EHMT1: variants seen among roughly 807,000 people sequenced by gnomAD.
The protein encoded by EHMT1 is euchromatic histone lysine methyltransferase 1.
In EHMT1, 15 loss-of-function variants were observed where a neutral mutation model predicts 147.2. The observed-to-expected ratio is 0.10, with a 90% confidence interval of 0.07 to 0.16. The LOEUF (loss-of-function observed/expected upper bound fraction) is 0.16, where lower values mean the gene tolerates loss of function less well. EHMT1 is among the 10% of genes least tolerant of loss of function. The pLI, the probability that EHMT1 is intolerant of heterozygous loss-of-function variation, is 1.00. For missense variants in EHMT1, 1,587 were observed against 1,772.4 expected, an observed-to-expected ratio of 0.90 and a Z score of 1.88; for synonymous variants, 795 against 709.6, an observed-to-expected ratio of 1.12 and a Z score of -1.91.
At chr9:137,784,339 C>A (rs1021815616) in intron 15 of EHMT1, 3 of 1,294,732 alleles carry the variant, frequency 2.3e-6, no homozygotes, top group Non-Finnish European at 2.9e-6. Context: ...AAGGCCCAGC[C>A]TCAAAACCTC....
At chr9:137,678,942 T>G (rs1476605025) in intron 1 of EHMT1, among the ~76,000 whole-genome samples, 1 of 152,064 alleles carries the variant, frequency 6.6e-6, no homozygotes, top group East Asian at 1.9e-4. Context: ...ATTTGTTTAT[T>G]TATCTTATTT....
rs771464978 is a variant in EHMT1 at position 137,743,496 on chromosome 9, A to G, written c.949A>G (p.Lys317Glu). ...ACAGAGGACGGTGATTGAGATGTTTAAGAGCATAACTCATTCCACTGTGGG... is the reference window on the plus strand; with the variant it reads ...ACAGAGGACGGTGATTGAGATGTTTGAGAGCATAACTCATTCCACTGTGGG... ...LKQRTVIEMFKSITHSTVGSK... is the reference protein window; with the variant it reads ...LKQRTVIEMFESITHSTVGSK... Residue 317 changes from lysine (K) to glutamate (E), a missense_variant, in exon 5 of 27, where the codon AAG (lysine) becomes GAG (glutamate). Transcript: ENST00000460843. 1.2e-6 allele frequency: 2 copies of G among 1,614,184 alleles called. No homozygotes were observed. Among genetic ancestry groups the G allele is most frequent in the Non-Finnish European group, 1.7e-6 (2 of 1,180,026 alleles).
chr9:137,821,397 A>G (rs1404692104), intron 25 of EHMT1, among the ~76,000 whole-genome samples: 3 of 142,630 alleles, frequency 2.1e-5, no homozygotes, highest in African/African-American at 8.0e-5. Flanking sequence ...GCATAATCAT[A>G]GCTCACTGCA....
At chr9:137,639,673 C>A (rs780239329) in intron 1 of EHMT1, among the ~76,000 whole-genome samples, 2 of 152,114 alleles carry the variant, frequency 1.3e-5, no homozygotes, top group Non-Finnish European at 2.9e-5. Context: ...TTTTTCTGGC[C>A]TTTTAATCTC....
chr9:137,717,173 C>T lies in EHMT1; in HGVS notation c.633C>T (p.Val211=), dbSNP rs751159756. The T allele has an allele frequency of 5.6e-5, 91 of 1,611,886 alleles. No individual in the cohort carries two copies. In the East Asian group the frequency reaches 1.6e-3, roughly 28 times the overall value. ...HRARKTMPKS[V]VGLHAASKDP... ...CACGCAAGACCATGCCGAAGTCCGT[C>T]GTGGGCCTGGTAATTTTGTGTCTTC... is the stretch of plus-strand genomic sequence containing the variant. The change falls in exon 3 of 27, where the codon GTC becomes GTT. Residue 211 remains valine (V), a synonymous_variant. Transcript: ENST00000460843.
chr9:137,736,849 C>G (rs1179511099), intron 4 of EHMT1, among the ~76,000 whole-genome samples: 1 of 152,030 alleles, frequency 6.6e-6, no homozygotes, highest in Admixed American at 6.5e-5. Context: ...CAAGATCATA[C>G]CACTGCACTC....
intron 1 of EHMT1, among the ~76,000 whole-genome samples, chr9:137,690,696 A>G (rs2134849965): frequency 6.6e-6 from 1 of 152,240 alleles, no homozygotes; most frequent in South Asian, 2.1e-4. Context: ...TAGCCTCCCA[A>G]GTAGCTGGGA....
At chr9:137,670,983 T>C (rs979589022) in intron 1 of EHMT1, among the ~76,000 whole-genome samples, 2 of 152,320 alleles carry the variant, frequency 1.3e-5, no homozygotes, top group South Asian at 4.1e-4. Context: ...TCGTCCACTG[T>C]TGTGTGACTC....
At chr9:137,623,155 G>A (rs1469338993) in intron 1 of EHMT1, among the ~76,000 whole-genome samples, 3 of 151,084 alleles carry the variant, frequency 2.0e-5, no homozygotes, top group African/African-American at 7.3e-5. Flanking sequence ...GGAGCTTGTA[G>A]TGAGCCAAGA....
chr9:137,762,614 T>C (rs1949915418), intron 9 of EHMT1, 61 bp from the exon 10 acceptor site: 1 of 1,612,560 alleles, frequency 6.2e-7, no homozygotes, highest in Non-Finnish European at 8.5e-7. Context: ...AATCGATCAC[T>C]TTCTAGATGT....
At chr9:137,817,957 G>A in intron 24 of EHMT1, 103 bp from the exon 25 acceptor site, 2 of 1,092,386 alleles carry the variant, frequency 1.8e-6, no homozygotes, top group Non-Finnish European at 2.8e-6. Context: ...TGTTCTTCTG[G>A]TGTGCCCTGC....
intron 1 of EHMT1, among the ~76,000 whole-genome samples, chr9:137,623,658 T>G (rs1843077550): frequency 6.6e-6 from 1 of 152,120 alleles, no homozygotes; most frequent in Non-Finnish European, 1.5e-5. Context: ...CAACCTCAGG[T>G]GACCTGCCCA....
intron 25 of EHMT1, among the ~76,000 whole-genome samples, chr9:137,827,763 G>A (rs868089659): frequency 1.1e-3 from 38 of 35,358 alleles, no homozygotes; most frequent in African/African-American, 3.6e-3. Context: ...CCGCCCTCCC[G>A]GTCCTTACCT....
chr9:137,672,544 A>T (rs1311002075), intron 1 of EHMT1, among the ~76,000 whole-genome samples: 2 of 152,228 alleles, frequency 1.3e-5, no homozygotes, highest in Admixed American at 1.3e-4. Flanking sequence ...TGGGGTACTC[A>T]GTGTGTTTAG....
chr9:137,814,593 C>T, intron 22 of EHMT1, 85 bp downstream of exon 22: 1 of 1,492,938 alleles, frequency 6.7e-7, no homozygotes. Flanking sequence ...TCTGTGACCC[C>T]AGCGCTGTCG....
chr9:137,657,850 A>G (rs1051335288), intron 1 of EHMT1, among the ~76,000 whole-genome samples: 3 of 129,762 alleles, frequency 2.3e-5, no homozygotes, highest in African/African-American at 3.3e-5. Flanking sequence ...CCATCCTTCT[A>G]CTTTTTTTTT....
chr9:137,727,120 T>C (rs1211547055), intron 3 of EHMT1, among the ~76,000 whole-genome samples: 2 of 152,234 alleles, frequency 1.3e-5, no homozygotes, highest in Non-Finnish European at 2.9e-5. Context: ...GTTAACTATG[T>C]CCTTTGATGC....
intron 1 of EHMT1, among the ~76,000 whole-genome samples, chr9:137,622,906 CAAAAAAAAA>C (rs1180436732): frequency 1.1e-5 from 1 of 87,088 alleles, no homozygotes; most frequent in Non-Finnish European, 2.4e-5. Context: ...AATCCTGTCT[CAAAAAAAAA>C]AAAAAAAAAA....
chr9:137,649,459 C>G (rs1845148193), intron 1 of EHMT1, among the ~76,000 whole-genome samples: 1 of 57,422 alleles, frequency 1.7e-5, no homozygotes, highest in South Asian at 6.8e-4. Flanking sequence ...GACTCCGACT[C>G]AAACAAACAA....
Sources: gnomAD v4.1 joint callset for allele counts (sites outside exome capture counted in the v4.1 genomes callset) on GRCh38, gnomAD v4.1.1 for gene constraint, MANE v1.5 for transcripts, NCBI Gene and HGNC (gene_info 2026-07-23, HGNC 2026-07-21) for gene names.